TAS2R1: variants seen among roughly 807,000 people sequenced by gnomAD.
TAS2R1 encodes taste receptor type 2 member 1.
For synonymous variants in TAS2R1, 141 were observed against 134.2 expected, an observed-to-expected ratio of 1.05 and a Z score of -0.35; for missense variants, 370 against 353.4, an observed-to-expected ratio of 1.05 and a Z score of -0.38.
chr5:9,711,989 T>C (rs1333277890), intron 1 of TAS2R1, among the ~76,000 whole-genome samples: 1 of 119,738 alleles, frequency 8.4e-6, no homozygotes, highest in Non-Finnish European at 1.6e-5. Context: ...TTTTTTTTTT[T>C]CACCACAACA....
chr5:9,737,896 T>C, the TAS2R1 span, among the ~76,000 whole-genome samples: 17 of 152,296 alleles, frequency 1.1e-4, no homozygotes, highest in African/African-American at 4.1e-4. Flanking sequence ...ACTCTGTCAC[T>C]GGTGGGGCTT....
the TAS2R1 span, among the ~76,000 whole-genome samples, chr5:9,800,914 G>T: frequency 6.6e-6 from 1 of 152,162 alleles, no homozygotes; most frequent in Non-Finnish European, 1.5e-5. Flanking sequence ...AGAAGAGGCT[G>T]GGCATGGTGG....
intron 2 of TAS2R1, among the ~76,000 whole-genome samples, chr5:9,639,547 T>C (rs564276485): frequency 6.6e-6 from 1 of 152,340 alleles, no homozygotes; most frequent in Admixed American, 6.5e-5. Flanking sequence ...GGCATGTTCC[T>C]GCAGTGGTTC....
the TAS2R1 span, among the ~76,000 whole-genome samples, chr5:9,741,432 T>C: frequency 6.6e-6 from 1 of 152,176 alleles, no homozygotes; most frequent in East Asian, 1.9e-4. Context: ...TGCTGACTGC[T>C]CTGAGTGATC....
chr5:9,870,516 G>T, the TAS2R1 span, among the ~76,000 whole-genome samples: 1 of 152,050 alleles, frequency 6.6e-6, no homozygotes, highest in Non-Finnish European at 1.5e-5. Flanking sequence ...GATTTAATAG[G>T]TTCATCCAAT....
intron 1 of TAS2R1, among the ~76,000 whole-genome samples, chr5:9,691,988 G>T (rs80031035): frequency 0.031 from 4,774 of 152,212 alleles, 96 homozygotes; most frequent in African/African-American, 0.057. Context: ...TCTTCTCCAG[G>T]GTTTGGAGTC....
At chr5:9,778,222 A>C in the TAS2R1 span, among the ~76,000 whole-genome samples, 2 of 152,154 alleles carry the variant, frequency 1.3e-5, no homozygotes, top group African/African-American at 4.8e-5. Flanking sequence ...ATTCTGAAAA[A>C]AGTTTCTTTT....
At chr5:9,662,289 T>C (rs1457976625) in intron 1 of TAS2R1, among the ~76,000 whole-genome samples, 1 of 152,204 alleles carries the variant, frequency 6.6e-6, no homozygotes, top group African/African-American at 2.4e-5. Context: ...TACCCCCAAA[T>C]ATCAAAGATT....
the TAS2R1 span, among the ~76,000 whole-genome samples, chr5:9,851,500 TTTC>T: frequency 6.6e-6 from 1 of 150,496 alleles, no homozygotes; most frequent in Non-Finnish European, 1.5e-5. Context: ...TCACAAGTAA[TTTC>T]TTCTGCTGGG....
At chr5:9,679,321 T>C (rs1348674650) in intron 1 of TAS2R1, among the ~76,000 whole-genome samples, 1 of 152,236 alleles carries the variant, frequency 6.6e-6, no homozygotes, top group Non-Finnish European at 1.5e-5. Flanking sequence ...TAGAATTTTA[T>C]AGCGCAAAGA....
chr5:9,686,190 C>T (rs1194876479), intron 1 of TAS2R1, among the ~76,000 whole-genome samples: 1 of 152,248 alleles, frequency 6.6e-6, no homozygotes, highest in African/African-American at 2.4e-5. Context: ...AAGCTGCGAT[C>T]GGATGACCCT....
intron 1 of TAS2R1, among the ~76,000 whole-genome samples, chr5:9,668,205 G>A (rs1253816938): frequency 6.6e-6 from 1 of 152,034 alleles, no homozygotes. Flanking sequence ...AAATAACTCA[G>A]ATAAAAATAA....
At chr5:9,737,491 G>A in the TAS2R1 span, among the ~76,000 whole-genome samples, 3 of 152,134 alleles carry the variant, frequency 2.0e-5, no homozygotes, top group Non-Finnish European at 2.9e-5. Flanking sequence ...AGCATTTTGC[G>A]GGTTTTTGAC....
At chr5:9,815,319 C>T in the TAS2R1 span, among the ~76,000 whole-genome samples, 1 of 152,218 alleles carries the variant, frequency 6.6e-6, no homozygotes, top group South Asian at 2.1e-4. Flanking sequence ...AAGAAGCAAA[C>T]ACACTCCATG....
chr5:9,649,180 G>A (rs575605029), intron 2 of TAS2R1, among the ~76,000 whole-genome samples: 10 of 152,048 alleles, frequency 6.6e-5, no homozygotes, highest in African/African-American at 1.2e-4. Flanking sequence ...TTTGTCCACC[G>A]AACAAAACCG....
At chr5:9,828,265 A>G in the TAS2R1 span, among the ~76,000 whole-genome samples, 2 of 152,130 alleles carry the variant, frequency 1.3e-5, no homozygotes, top group African/African-American at 4.8e-5. Flanking sequence ...AGCTGAGATT[A>G]CAGGCATCCA....
intron 1 of TAS2R1, among the ~76,000 whole-genome samples, chr5:9,677,676 A>G (rs1432228007): frequency 6.6e-6 from 1 of 152,204 alleles, no homozygotes; most frequent in East Asian, 1.9e-4. Flanking sequence ...ACAACACTAA[A>G]TGCTGGCAAG....
At chr5:9,825,799 T>G in the TAS2R1 span, among the ~76,000 whole-genome samples, 443 of 152,344 alleles carry the variant, frequency 2.9e-3, 1 homozygote, top group African/African-American at 0.01. Context: ...GTTTAGCCAA[T>G]GGGAGCACTT....
At chr5:9,780,176 C>T in the TAS2R1 span, among the ~76,000 whole-genome samples, 1 of 152,176 alleles carries the variant, frequency 6.6e-6, no homozygotes, top group African/African-American at 2.4e-5. Flanking sequence ...CACCCCCTCC[C>T]ACTCTGACAG....
Sources: gnomAD v4.1 joint callset for allele counts (sites outside exome capture counted in the v4.1 genomes callset) on GRCh38, gnomAD v4.1.1 for gene constraint, MANE v1.5 for transcripts, NCBI Gene and HGNC (gene_info 2026-07-23, HGNC 2026-07-21) for gene names.